The following CTNNA1 variants were observed in gnomAD, a reference collection of about 807,000 sequenced individuals.
CTNNA1 encodes the protein catenin alpha 1.
Under a neutral mutation model 98.4 loss-of-function variants are expected in CTNNA1, and 37 were observed. The observed-to-expected ratio is 0.38, with a 90% CI of 0.29 to 0.49. The LOEUF (loss-of-function observed/expected upper bound fraction) is 0.49. CTNNA1 is among the 20% of genes least tolerant of loss of function. CTNNA1 has a pLI of 0.95. For missense variants in CTNNA1, 761 were observed against 1,147.2 expected (o/e 0.66, Z 4.86); for synonymous variants, 404 against 413.2 (o/e 0.98, Z 0.27).
intron 7 of CTNNA1, among the ~76,000 whole-genome samples, chr5:138,861,330 C>T (rs1229728263): frequency 6.6e-6 from 1 of 152,142 alleles, no homozygotes; most frequent in African/African-American, 2.4e-5. Context: ...TCTGAACGCA[C>T]TTCTTAATGT....
chr5:138,929,177 A>G, intron 13 of CTNNA1, 69 bp from the exon 14 acceptor site: 1 of 845,980 alleles, frequency 1.2e-6, no homozygotes, highest in Non-Finnish European at 2.1e-6. Flanking sequence ...CCTGGCCAAG[A>G]GGCTCAGGGT....
chr5:138,785,774 A>G (rs574349420), intron 3 of CTNNA1, among the ~76,000 whole-genome samples: 10 of 151,556 alleles, frequency 6.6e-5, no homozygotes, highest in Non-Finnish European at 8.8e-5. Flanking sequence ...GTAGTGTAGT[A>G]TAGTATAGTA....
rs561300127 is a variant in CTNNA1, at chr5:138,914,859, T to A, written c.1390-2883T>A. On this transcript the variant is annotated intron_variant, in intron 10 of 17. Transcript: ENST00000302763. ...CCCAAGTTGCATGATTATAAACACA[T>A]TTACTGGGCCGGGCGCAGTGGCTCC... Among the ~76,000 whole-genome samples, 28 of 152,138 alleles carry A rather than the reference T, an allele frequency of 1.8e-4. No homozygotes were observed. The East Asian group carries it at 5.2e-3, about 28-fold the overall frequency.
intron 10 of CTNNA1, among the ~76,000 whole-genome samples, chr5:138,908,513 G>T (rs1181583167): frequency 6.6e-6 from 1 of 152,028 alleles, no homozygotes; most frequent in East Asian, 1.9e-4. Flanking sequence ...TAAAATAAAA[G>T]AATTGGCTGG....
chr5:138,916,353 T>C (rs1761758375), intron 10 of CTNNA1, among the ~76,000 whole-genome samples: 2 of 151,976 alleles, frequency 1.3e-5, no homozygotes, highest in African/African-American at 4.8e-5. Context: ...AATGGGTGAA[T>C]TGTAGATAGG....
intron 7 of CTNNA1, chr5:138,872,919 T>C (rs1750815239): frequency 1.2e-5 from 11 of 912,350 alleles, no homozygotes; most frequent in Middle Eastern, 6.4e-4. Flanking sequence ...TTAGGCTTAA[T>C]GTCACCATTG....
intron 7 of CTNNA1, among the ~76,000 whole-genome samples, chr5:138,859,697 C>A (rs892173222): frequency 3.9e-5 from 6 of 152,164 alleles, no homozygotes; most frequent in African/African-American, 1.4e-4. Flanking sequence ...CGCTTGAGCC[C>A]AGGAGTTTGA....
chr5:138,763,139 T>G (rs1327266654), intron 1 of CTNNA1, among the ~76,000 whole-genome samples: 1 of 152,164 alleles, frequency 6.6e-6, no homozygotes, highest in African/African-American at 2.4e-5. Context: ...ATTGAAGATG[T>G]GAGTTGGAAA....
intron 13 of CTNNA1, among the ~76,000 whole-genome samples, chr5:138,927,564 T>A (rs2150313546): frequency 6.6e-6 from 1 of 152,086 alleles, no homozygotes; most frequent in African/African-American, 2.4e-5. Flanking sequence ...ATCACTGCTT[T>A]CTTCATAGCA....
intron 1 of CTNNA1, among the ~76,000 whole-genome samples, chr5:138,773,010 T>C (rs1753717199): frequency 6.6e-6 from 1 of 152,260 alleles, no homozygotes; most frequent in South Asian, 2.1e-4. Flanking sequence ...AAAGGTGAAG[T>C]GACTTAATCA....
chr5:138,884,259 G>A (rs1225181523), intron 7 of CTNNA1, among the ~76,000 whole-genome samples: 2 of 152,198 alleles, frequency 1.3e-5, no homozygotes, highest in Non-Finnish European at 2.9e-5. Flanking sequence ...AGCTCTCCCT[G>A]AAGAGCTAAA....
Position 138,783,372 on chromosome 5 carries a change from G to A in CTNNA1, c.301G>A (p.Gly101Ser), listed in dbSNP as rs1361174293. ...TGCTGTAGAAGATGTTCGAAAACAA[G>A]GTAGGTCATTACTGCTTTTTAGGTA... ...VAAVEDVRKQ[G>S]DLMKAAAGEF... The change falls in exon 3 of 18, where the codon GGT becomes AGT. Residue 101 changes from glycine to serine, a missense_variant and splice_region_variant. Gly to Ser is a moderately conservative substitution (Grantham distance 56). Coordinates refer to ENST00000302763, the MANE Select transcript of CTNNA1 (RefSeq NM_001903.5). The A allele has an allele frequency of 6.2e-7, 1 of 1,611,796 alleles. No homozygotes were observed. The highest frequency in any genetic ancestry group is 8.5e-7 in the Non-Finnish European group (1 of 1,178,514).
At chr5:138,830,803 A>T (rs1278587637) in intron 7 of CTNNA1, among the ~76,000 whole-genome samples, 4 of 152,150 alleles carry the variant, frequency 2.6e-5, no homozygotes, top group African/African-American at 9.7e-5. Context: ...CAAAGTTTCT[A>T]TAGGGGGTTT....
intron 7 of CTNNA1, chr5:138,869,799 G>A (rs563621935): frequency 6.6e-6 from 1 of 152,588 alleles, no homozygotes; most frequent in African/African-American, 2.4e-5. Flanking sequence ...ATTAACTTAG[G>A]CACATTAAGA....
intron 7 of CTNNA1, chr5:138,871,804 G>GA (rs1561617798): frequency 7.2e-5 from 11 of 152,192 alleles, no homozygotes; most frequent in Admixed American, 6.5e-5. Context: ...GCGTGAATGC[G>GA]TATCTTTATT....
rs1554105203 is a variant in CTNNA1, at chr5:138,905,111, A to AAATACATACATACATAC, written c.1389+671_1389+672insATACATACATACATACA. 5.5e-3 allele frequency among the ~76,000 whole-genome samples: 771 copies of AAATACATACATACATAC among 139,182 alleles called. 11 individuals carry two copies. Among genetic ancestry groups the AAATACATACATACATAC allele is most frequent in the African/African-American group, 0.021 (730 of 34,500 alleles). 91.3% of individuals were successfully genotyped at this position (139,182 alleles called of 152,430 possible). On this transcript the variant is annotated intron_variant, in intron 10 of 17. Coordinates refer to ENST00000302763, the MANE Select transcript of CTNNA1 (RefSeq NM_001903.5). ...TCCGTCTCAAAAAAAAAAAAAAAAAAATACATACATACATACATAAATACA... is the reference window on the plus strand; with the variant it reads ...TCCGTCTCAAAAAAAAAAAAAAAAAAAATACATACATACATACATACATACATACATACATAAATACA...
chr5:138,764,340 TG>T (rs1752677440), intron 1 of CTNNA1, among the ~76,000 whole-genome samples: 1 of 152,018 alleles, frequency 6.6e-6, no homozygotes, highest in Non-Finnish European at 1.5e-5. Context: ...CACTCCAGCC[TG>T]GGCAACAAGA....
rs183415650 is a variant in CTNNA1 at position 138,909,013 on chromosome 5, A to C, written c.1389+4572A>C. ...GTTTTAGTCTATAGTAGCTGCTTTA[A>C]ATATTTTAATTTTTAAATTCAAAAC... is the stretch of plus-strand genomic sequence containing the variant. On this transcript the variant is annotated intron_variant, in intron 10 of 17. Coordinates refer to ENST00000302763, the MANE Select transcript of CTNNA1 (RefSeq NM_001903.5). 8.1e-4 allele frequency among the ~76,000 whole-genome samples: 123 copies of C among 152,214 alleles called. 1 individual carries two copies. The highest frequency in any genetic ancestry group is 1.5e-5 in the Non-Finnish European group (1 of 68,014).
intron 1 of CTNNA1, among the ~76,000 whole-genome samples, chr5:138,776,051 T>C (rs968783954): frequency 6.9e-6 from 1 of 145,816 alleles, no homozygotes; most frequent in Non-Finnish European, 1.5e-5. Context: ...TTTTTTTTTT[T>C]TTTTTTTTTT....
Sources: allele counts gnomAD v4.1 joint callset (sites outside exome capture counted in the v4.1 genomes callset), GRCh38; gene constraint gnomAD v4.1.1; transcripts MANE v1.5; gene names NCBI Gene and HGNC (gene_info 2026-07-23, HGNC 2026-07-21).